Variants in TAS2R1 observed in about 807,000 individuals in gnomAD.
TAS2R1 encodes the protein taste 2 receptor member 1, also known as taste receptor type 2 member 1.
For synonymous variants in TAS2R1, 141 were observed against 134.2 expected (o/e 1.05, Z -0.35); for missense variants, 370 against 353.4 (o/e 1.05, Z -0.38).
upstream of TAS2R1, among the ~76,000 whole-genome samples, chr5:9,633,319 T>C (rs59954105): frequency 0.011 from 1,460 of 137,482 alleles, 128 homozygotes; most frequent in African/African-American, 0.041. Flanking sequence ...TATATATATA[T>C]ACACAAATGT....
chr5:9,679,072 T>C (rs1224573758), intron 1 of TAS2R1, among the ~76,000 whole-genome samples: 1 of 152,194 alleles, frequency 6.6e-6, no homozygotes, highest in Non-Finnish European at 1.5e-5. Context: ...GGAGTGACCT[T>C]AAATGCCTAT....
At chr5:9,652,633 T>C (rs955924972) in intron 2 of TAS2R1, among the ~76,000 whole-genome samples, 1 of 152,210 alleles carries the variant, frequency 6.6e-6, no homozygotes, top group Non-Finnish European at 1.5e-5. Flanking sequence ...TTTATTGTAT[T>C]AATCCATTCA....
At chr5:9,668,335 T>C (rs1024531401) in intron 1 of TAS2R1, among the ~76,000 whole-genome samples, 4 of 152,168 alleles carry the variant, frequency 2.6e-5, no homozygotes, top group Admixed American at 2.6e-4. Context: ...TTAGAAAACA[T>C]GTTTGAAAAT....
At chr5:9,782,633 T>C in the TAS2R1 span, among the ~76,000 whole-genome samples, 1 of 152,216 alleles carries the variant, frequency 6.6e-6, no homozygotes, top group Non-Finnish European at 1.5e-5. Flanking sequence ...GGACCTTGTC[T>C]TTACATCACT....
the TAS2R1 span, among the ~76,000 whole-genome samples, chr5:9,860,943 T>A: frequency 6.6e-6 from 1 of 150,930 alleles, no homozygotes; most frequent in Admixed American, 6.6e-5. Context: ...TTCCTTTACC[T>A]ATTGGTCACC....
the TAS2R1 span, among the ~76,000 whole-genome samples, chr5:9,856,462 T>C: frequency 6.6e-6 from 1 of 152,306 alleles, no homozygotes; most frequent in East Asian, 1.9e-4. Flanking sequence ...TGCAGGAGAA[T>C]ACAGAGGAAG....
At chr5:9,900,618 G>GTTTT in the TAS2R1 span, among the ~76,000 whole-genome samples, 215 of 119,928 alleles carry the variant, frequency 1.8e-3, 5 homozygotes, top group East Asian at 2.8e-3. Context: ...TGCTCAAATG[G>GTTTT]TTTTTTTTTT....
At chr5:9,820,221 G>A in the TAS2R1 span, among the ~76,000 whole-genome samples, 1 of 152,142 alleles carries the variant, frequency 6.6e-6, no homozygotes, top group Non-Finnish European at 1.5e-5. Context: ...TCACTAGAAA[G>A]AAAGACTGGA....
At chr5:9,766,126 T>C in the TAS2R1 span, among the ~76,000 whole-genome samples, 1 of 152,202 alleles carries the variant, frequency 6.6e-6, no homozygotes, top group Non-Finnish European at 1.5e-5. Context: ...GATCTTGTAA[T>C]GCATTTTTAA....
the TAS2R1 span, among the ~76,000 whole-genome samples, chr5:9,893,136 G>A: frequency 6.6e-6 from 1 of 152,094 alleles, no homozygotes; most frequent in Non-Finnish European, 1.5e-5. Flanking sequence ...GAAGGGCTCA[G>A]GGAATCTTTG....
chr5:9,647,840 T>A (rs991743455), intron 2 of TAS2R1, among the ~76,000 whole-genome samples: 4 of 152,184 alleles, frequency 2.6e-5, no homozygotes, highest in African/African-American at 9.7e-5. Context: ...CTATTCTCCC[T>A]GCCTGGCATG....
At chr5:9,834,173 G>A in the TAS2R1 span, among the ~76,000 whole-genome samples, 27 of 152,116 alleles carry the variant, frequency 1.8e-4, no homozygotes, top group South Asian at 4.1e-4. Context: ...TGCGTCAAGC[G>A]CTCAGGAGCT....
the TAS2R1 span, among the ~76,000 whole-genome samples, chr5:9,853,642 T>C: frequency 2.0e-5 from 3 of 152,180 alleles, no homozygotes; most frequent in African/African-American, 7.2e-5. Context: ...TCAACATGAC[T>C]GTATCCCTGA....
At chr5:9,803,832 G>T in the TAS2R1 span, among the ~76,000 whole-genome samples, 3 of 151,694 alleles carry the variant, frequency 2.0e-5, no homozygotes, top group South Asian at 6.2e-4. Flanking sequence ...ATAACACAAT[G>T]AAAAAAAGGT....
chr5:9,876,527 A>T, the TAS2R1 span, among the ~76,000 whole-genome samples: 1 of 152,176 alleles, frequency 6.6e-6, no homozygotes, highest in Non-Finnish European at 1.5e-5. Context: ...CTAAAGCAAA[A>T]TCTGTCATAC....
At chr5:9,903,386 G>C in the TAS2R1 span, 1 of 152,094 alleles carries the variant, frequency 6.6e-6, no homozygotes, top group Admixed American at 6.6e-5. Flanking sequence ...ACATGGATAA[G>C]TTTTCCGTGG....
chr5:9,885,923 A>G, the TAS2R1 span, among the ~76,000 whole-genome samples: 1 of 152,238 alleles, frequency 6.6e-6, no homozygotes, highest in Admixed American at 6.5e-5. Flanking sequence ...ACTTCAATAA[A>G]ATTATTAGCA....
chr5:9,815,835 A>G, the TAS2R1 span, among the ~76,000 whole-genome samples: 3 of 152,200 alleles, frequency 2.0e-5, no homozygotes, highest in Non-Finnish European at 4.4e-5. Context: ...ACAAAACTAT[A>G]TTTATATCTC....
At chr5:9,639,146 G>A (rs1194529700) in intron 2 of TAS2R1, among the ~76,000 whole-genome samples, 1 of 152,154 alleles carries the variant, frequency 6.6e-6, no homozygotes, top group African/African-American at 2.4e-5. Flanking sequence ...TTTGTGCCCA[G>A]TCAAAACCAT....
Sources: gnomAD v4.1 joint callset for allele counts (sites outside exome capture counted in the v4.1 genomes callset) on GRCh38, gnomAD v4.1.1 for gene constraint, MANE v1.5 for transcripts, NCBI Gene and HGNC (gene_info 2026-07-23, HGNC 2026-07-21) for gene names.